EPHX4: variants seen among roughly 807,000 people sequenced by gnomAD.
EPHX4 encodes epoxide hydrolase 4, also known as abhydrolase domain containing 7.
EPHX4 carries 31 observed loss-of-function variants against 44.9 expected under a neutral mutation model. That is an observed-to-expected ratio of 0.69 (90% CI 0.52 to 0.93). The LOEUF (loss-of-function observed/expected upper bound fraction) is 0.93, where lower values mean the gene tolerates loss of function less well. EPHX4 is among the 40% of genes least tolerant of loss of function. The probability of loss-of-function intolerance (pLI) is 0.00; values close to 1 mark genes in which losing one functional copy is unlikely to be tolerated. For missense variants in EPHX4, 373 were observed against 438.1 expected (o/e 0.85, Z 1.33); for synonymous variants, 151 against 159.7 (o/e 0.95, Z 0.41).
At chr1:92,061,363 C>A (rs1570699461) in intron 6 of EPHX4, among the ~76,000 whole-genome samples, 1 of 152,282 alleles carries the variant, frequency 6.6e-6, no homozygotes, top group East Asian at 1.9e-4. Context: ...TGCCACAAAT[C>A]AGGCTTTTTT....
intron 3 of EPHX4, chr1:92,043,918 G>C (rs1688548493): frequency 6.6e-6 from 1 of 152,210 alleles, no homozygotes; most frequent in Admixed American, 6.5e-5. Context: ...CAAGTCATAT[G>C]GTGGAGCCCA....
chr1:92,037,044 AT>A (rs1268808652), intron 2 of EPHX4, among the ~76,000 whole-genome samples: 4 of 151,804 alleles, frequency 2.6e-5, no homozygotes, highest in Admixed American at 2.6e-4. Flanking sequence ...TATTTTTTTC[AT>A]TTTAAAGGCC....
chr1:92,063,242 T>C lies in EPHX4; in HGVS notation c.1045T>C (p.Leu349=). 1 of 1,612,524 alleles carries C rather than the reference T, an allele frequency of 6.2e-7. No individual in the cohort carries two copies. Among genetic ancestry groups the C allele is most frequent in the African/African-American group, 1.3e-5 (1 of 75,036 alleles). Residue 349 remains leucine (L), a synonymous_variant, in exon 7 of 7, where the codon TTG becomes CTG. Transcript: ENST00000370383. ...AGACCAACCTGACATAGTGAACAAA[T>C]TGATATGGACATTTCTAAAAGAAGA... ...QQDQPDIVNK[L]IWTFLKEETR...
chr1:92,032,430 G>T, intron 1 of EPHX4, 75 bp from the exon 2 acceptor site: 1 of 1,123,406 alleles, frequency 8.9e-7, no homozygotes, highest in Non-Finnish European at 1.3e-6. Flanking sequence ...TTTTTTTAAT[G>T]AAATGGAAAT....
rs1183193283 is a variant in EPHX4 at position 92,063,350 on chromosome 1, A to G, written c.*64A>G. The G allele has an allele frequency of 1.6e-6, 2 of 1,218,524 alleles. No homozygotes were observed. Among genetic ancestry groups the G allele is most frequent in the Non-Finnish European group, 2.2e-6 (2 of 904,308 alleles). 75.5% of individuals were successfully genotyped at this position (1,218,524 alleles called of 1,614,324 possible). On this transcript the variant is annotated 3_prime_UTR_variant, in exon 7 of 7. Coordinates refer to ENST00000370383, the MANE Select transcript of EPHX4 (RefSeq NM_173567.5). ...TCTAAATAATTTTTAAAAATTGTTC[A>G]TCAACTTCTTTATGTTTTATTAGAA...
At chr1:92,034,050 C>A (rs1200596924) in intron 2 of EPHX4, among the ~76,000 whole-genome samples, 5 of 114,620 alleles carry the variant, frequency 4.4e-5, no homozygotes, top group Non-Finnish European at 5.0e-5. Context: ...TGGTACATAT[C>A]AGGAGGCCGA....
intron 1 of EPHX4, among the ~76,000 whole-genome samples, chr1:92,031,369 A>C (rs568536215): frequency 6.6e-6 from 1 of 152,326 alleles, no homozygotes; most frequent in African/African-American, 2.4e-5. Flanking sequence ...CTGAGGGTAA[A>C]GTCAGATTTG....
chr1:92,030,119 A>G lies in EPHX4; in HGVS notation c.40A>G (p.Thr14Ala). ...GGATTGCCTGCCCCGCCTGATGCTC[A>G]CGCTCCGGTCCCTGCTCTTCTGGTC... ...LRDCLPRLML[T>A]LRSLLFWSLV... The change falls in exon 1 of 7, where the codon ACG becomes GCG. Residue 14 changes from threonine to alanine, a missense_variant. By Grantham distance (58) the Thr-to-Ala change is moderately conservative. Coordinates refer to ENST00000370383, the MANE Select transcript of EPHX4 (RefSeq NM_173567.5). 1 of 1,609,640 alleles carries G rather than the reference A, an allele frequency of 6.2e-7. No homozygotes were observed. Among genetic ancestry groups the G allele is most frequent in the Non-Finnish European group, 8.5e-7 (1 of 1,178,362 alleles).
At chr1:92,040,571 T>G (rs1688496316) in intron 2 of EPHX4, among the ~76,000 whole-genome samples, 1 of 152,036 alleles carries the variant, frequency 6.6e-6, no homozygotes, top group African/African-American at 2.4e-5. Context: ...GTGATCCACC[T>G]GCCTCGGCCT....
intron 2 of EPHX4, among the ~76,000 whole-genome samples, chr1:92,033,790 C>G (rs1688395713): frequency 6.6e-6 from 1 of 151,872 alleles, no homozygotes; most frequent in Admixed American, 6.6e-5. Context: ...ATCAAGGCAC[C>G]AGTAGGTTCA....
At chr1:92,034,713 C>T (rs1319973079) in intron 2 of EPHX4, among the ~76,000 whole-genome samples, 1 of 150,628 alleles carries the variant, frequency 6.6e-6, no homozygotes, top group Non-Finnish European at 1.5e-5. Context: ...GCAATCTCAG[C>T]TCATTGCAAC....
chr1:92,046,679 G>A (rs546066759), intron 4 of EPHX4, among the ~76,000 whole-genome samples: 3 of 152,114 alleles, frequency 2.0e-5, no homozygotes, highest in Non-Finnish European at 4.4e-5. Context: ...GGTCAGGCTG[G>A]TCTCAAATGC....
intron 2 of EPHX4, among the ~76,000 whole-genome samples, chr1:92,037,912 G>A (rs922751870): frequency 6.6e-6 from 1 of 152,048 alleles, no homozygotes; most frequent in Non-Finnish European, 1.5e-5. Flanking sequence ...GATTGTTTTC[G>A]CTTTATTCAT....
intron 4 of EPHX4, among the ~76,000 whole-genome samples, chr1:92,046,117 A>T (rs1688577880): frequency 6.6e-6 from 1 of 152,196 alleles, no homozygotes; most frequent in African/African-American, 2.4e-5. Flanking sequence ...ATGGTTTATA[A>T]ATATTCACTG....
At chr1:92,040,916 T>C (rs1688500142) in intron 2 of EPHX4, among the ~76,000 whole-genome samples, 1 of 152,158 alleles carries the variant, frequency 6.6e-6, no homozygotes, top group African/African-American at 2.4e-5. Context: ...TTTCAGACAA[T>C]GATCTCCCAC....
chr1:92,045,280 G>A (rs1023215932), intron 3 of EPHX4, among the ~76,000 whole-genome samples: 7 of 151,754 alleles, frequency 4.6e-5, no homozygotes, highest in Admixed American at 1.3e-4. Flanking sequence ...TCACCACACC[G>A]GCCTATTTCA....
intron 6 of EPHX4, among the ~76,000 whole-genome samples, chr1:92,054,519 C>T (rs1035891337): frequency 2.1e-5 from 3 of 145,006 alleles, no homozygotes; most frequent in African/African-American, 5.1e-5. Context: ...ACCTGGGAGG[C>T]GGCGGTTGCA....
chr1:92,050,331 C>T lies in EPHX4; in HGVS notation c.619C>T (p.His207Tyr). The change falls in exon 5 of 7, where the codon CAC becomes TAC. Residue 207 changes from histidine (H) to tyrosine (Y), a missense_variant. His to Tyr is a moderately conservative substitution (Grantham distance 83). Coordinates refer to ENST00000370383, the MANE Select transcript of EPHX4 (RefSeq NM_173567.5). ...PNVFTEYILR[H>Y]PAQLLKSSYY... ...TTTAATTTCAGAATATATTTTACGA[C>T]ACCCTGCTCAGCTGTTGAAATCCAG... The T allele has an allele frequency of 6.2e-7, 1 of 1,601,018 alleles. No homozygotes were observed. Among genetic ancestry groups the T allele is most frequent in the Non-Finnish European group, 8.5e-7 (1 of 1,172,780 alleles).
At chr1:92,031,020 G>A (rs1688352409) in intron 1 of EPHX4, among the ~76,000 whole-genome samples, 1 of 152,130 alleles carries the variant, frequency 6.6e-6, no homozygotes, top group Non-Finnish European at 1.5e-5. Context: ...TAGTTCCCGT[G>A]ATACACCCTG....
Sources: gnomAD v4.1 joint callset for allele counts (sites outside exome capture counted in the v4.1 genomes callset) on GRCh38, gnomAD v4.1.1 for gene constraint, MANE v1.5 for transcripts, NCBI Gene and HGNC (gene_info 2026-07-23, HGNC 2026-07-21) for gene names.